The following PTPRD variants were observed in gnomAD, a reference collection of about 807,000 sequenced individuals.
The protein encoded by PTPRD is receptor-type tyrosine-protein phosphatase delta.
A neutral mutation model predicts 214.5 loss-of-function variants in PTPRD; 34 were observed. The observed-to-expected ratio is 0.16, with a 90% CI of 0.12 to 0.21. The LOEUF (loss-of-function observed/expected upper bound fraction) is 0.21. Ranked by LOEUF, PTPRD falls within the 10% of genes least tolerant of loss-of-function variation. The probability of loss-of-function intolerance (pLI) is 1.00; values close to 1 mark genes in which losing one functional copy is unlikely to be tolerated. For synonymous variants in PTPRD, 1,128 were observed against 845.7 expected, an observed-to-expected ratio of 1.33 and a Z score of -5.79; for missense variants, 2,545 against 2,398.7, an observed-to-expected ratio of 1.06 and a Z score of -1.27.
At chr9:9,441,089 A>G (rs1196398592) in intron 8 of PTPRD, among the ~76,000 whole-genome samples, 1 of 152,154 alleles carries the variant, frequency 6.6e-6, no homozygotes, top group Non-Finnish European at 1.5e-5. Context: ...CAATAATTTA[A>G]TATGGTTCAT....
chr9:8,881,020 G>C (rs959575240), intron 11 of PTPRD, among the ~76,000 whole-genome samples: 1 of 152,110 alleles, frequency 6.6e-6, no homozygotes, highest in African/African-American at 2.4e-5. Flanking sequence ...ACCCACCTCG[G>C]CCTCCCAAAG....
intron 7 of PTPRD, among the ~76,000 whole-genome samples, chr9:9,701,122 A>G (rs1259042241): frequency 6.6e-6 from 1 of 152,158 alleles, no homozygotes; most frequent in African/African-American, 2.4e-5. Context: ...CAGCTCATAC[A>G]CAGGCATTGA....
In PTPRD at chr9:8,521,417, T is replaced by A. The variant is rs541120953; in HGVS notation, c.821A>T (p.Glu274Val). The part of the protein sequence containing the change: ...MPYVKWMLGA[E>V]DLTPEDDMPI... ...CATATCATCTTCAGGTGTCAGATCTTCTGCCCCCAACATCCACTTTACATA... is the reference window on the plus strand; with the variant it reads ...CATATCATCTTCAGGTGTCAGATCTACTGCCCCCAACATCCACTTTACATA... Residue 274 changes from glutamate (E) to valine (V), a missense_variant, in exon 20 of 46, where the codon GAA (glutamate) becomes GTA (valine). Physicochemically the swap from Glu to Val is moderately radical, Grantham distance 121. Coordinates refer to ENST00000381196, the MANE Select transcript of PTPRD (RefSeq NM_002839.4). 1 of 1,614,066 alleles carries A rather than the reference T, an allele frequency of 6.2e-7. No homozygotes were observed. Among genetic ancestry groups the A allele is most frequent in the Non-Finnish European group, 8.5e-7 (1 of 1,179,940 alleles).
At chr9:9,158,567 T>C (rs1209807891) in intron 10 of PTPRD, among the ~76,000 whole-genome samples, 1 of 152,010 alleles carries the variant, frequency 6.6e-6, no homozygotes, top group Non-Finnish European at 1.5e-5. Flanking sequence ...GGCACTGCAC[T>C]CCAGCCTGGG....
chr9:9,634,153 G>T (rs1307468528), intron 7 of PTPRD, among the ~76,000 whole-genome samples: 1 of 152,054 alleles, frequency 6.6e-6, no homozygotes, highest in Non-Finnish European at 1.5e-5. Flanking sequence ...TCATCATAAA[G>T]GGATGATGCT....
At chr9:10,201,035 A>G (rs914857192) in intron 3 of PTPRD, among the ~76,000 whole-genome samples, 3 of 152,066 alleles carry the variant, frequency 2.0e-5, no homozygotes, top group African/African-American at 7.2e-5. Flanking sequence ...TCTAAAGCAT[A>G]ATGAATAATT....
At chr9:8,763,522 A>G (rs1385695124) in intron 11 of PTPRD, among the ~76,000 whole-genome samples, 2 of 151,910 alleles carry the variant, frequency 1.3e-5, no homozygotes, top group African/African-American at 4.8e-5. Flanking sequence ...CAAAAAAATA[A>G]AGGCAATAAT....
chr9:10,084,301 T>A (rs558796739), intron 3 of PTPRD, among the ~76,000 whole-genome samples: 2 of 152,028 alleles, frequency 1.3e-5, no homozygotes, highest in Admixed American at 1.3e-4. Flanking sequence ...TAAATCCTTC[T>A]GTAATGTTAG....
intron 39 of PTPRD, among the ~76,000 whole-genome samples, chr9:8,370,227 CACACACACACAT>C (rs1284110326): frequency 2.7e-3 from 93 of 34,984 alleles, no homozygotes; most frequent in Middle Eastern, 0.021. Context: ...CACACACACA[CACACACACACAT>C]ATATATATAT....
intron 7 of PTPRD, among the ~76,000 whole-genome samples, chr9:9,714,621 C>G (rs1349002090): frequency 6.6e-6 from 1 of 152,100 alleles, no homozygotes; most frequent in Non-Finnish European, 1.5e-5. Flanking sequence ...TCAGATTCAT[C>G]TAAAGGAAAC....
At chr9:10,428,193 G>C (rs687576) in intron 2 of PTPRD, among the ~76,000 whole-genome samples, 10,468 of 151,804 alleles carry the variant, frequency 0.069, 1,232 homozygotes, top group African/African-American at 0.23. Context: ...GTGGCTCATG[G>C]CTGTAATCCC....
At chr9:9,235,613 A>G (rs4998420) in intron 9 of PTPRD, among the ~76,000 whole-genome samples, 1 of 151,960 alleles carries the variant, frequency 6.6e-6, no homozygotes, top group African/African-American at 2.4e-5. Flanking sequence ...GTGTCCAATA[A>G]GGGACACCTG....
intron 11 of PTPRD, among the ~76,000 whole-genome samples, chr9:8,978,156 A>C (rs2154338226): frequency 6.6e-6 from 1 of 152,154 alleles, no homozygotes; most frequent in Non-Finnish European, 1.5e-5. Flanking sequence ...AATTAACGTA[A>C]ATTTTGGGGA....
intron 9 of PTPRD, among the ~76,000 whole-genome samples, chr9:9,209,126 A>T (rs2099946930): frequency 1.3e-5 from 2 of 152,198 alleles, no homozygotes; most frequent in African/African-American, 4.8e-5. Context: ...AACTCCTGAA[A>T]GAATATACTC....
intron 9 of PTPRD, among the ~76,000 whole-genome samples, chr9:9,308,779 G>C (rs1480300318): frequency 6.6e-6 from 1 of 152,070 alleles, no homozygotes; most frequent in Non-Finnish European, 1.5e-5. Context: ...GTATTCTACA[G>C]ATGAAATATT....
At chr9:9,981,384 T>C (rs953377142) in intron 4 of PTPRD, among the ~76,000 whole-genome samples, 2 of 142,800 alleles carry the variant, frequency 1.4e-5, no homozygotes, top group Non-Finnish European at 3.0e-5. Context: ...AGACAGAGTC[T>C]CACTCTGTCG....
At chr9:8,400,957 C>A (rs1410148856) in intron 36 of PTPRD, among the ~76,000 whole-genome samples, 7 of 152,144 alleles carry the variant, frequency 4.6e-5, no homozygotes, top group Non-Finnish European at 7.4e-5. Flanking sequence ...GGTCACCTAG[C>A]TAGTTAGTGA....
At chr9:8,978,441 A>C (rs566301430) in intron 11 of PTPRD, among the ~76,000 whole-genome samples, 1 of 152,234 alleles carries the variant, frequency 6.6e-6, no homozygotes, top group East Asian at 1.9e-4. Flanking sequence ...CACGGAATGA[A>C]CTATTGGGAA....
chr9:8,344,270 C>A (rs1209412941), intron 39 of PTPRD, among the ~76,000 whole-genome samples: 2 of 151,974 alleles, frequency 1.3e-5, no homozygotes, highest in African/African-American at 4.8e-5. Context: ...TAGAACTGAG[C>A]CCTATACATC....
Sources: allele counts gnomAD v4.1 joint callset (sites outside exome capture counted in the v4.1 genomes callset), GRCh38; gene constraint gnomAD v4.1.1; transcripts MANE v1.5; gene names NCBI Gene and HGNC (gene_info 2026-07-23, HGNC 2026-07-21).